BEST3: variants seen among roughly 807,000 people sequenced by gnomAD.
The protein encoded by BEST3 is bestrophin-3.
In BEST3, 50 loss-of-function variants were observed where a neutral mutation model predicts 47.1. The ratio of observed to expected loss-of-function variants is 1.06; its 90% CI spans 0.85 to 1.34. The LOEUF is 1.34. Ranked by LOEUF, BEST3 falls within the 40% of genes most tolerant of loss-of-function variation. The pLI is 0.00. For synonymous variants in BEST3, 282 were observed against 298.8 expected (o/e 0.94, Z 0.58); for missense variants, 765 against 817.0 (o/e 0.94, Z 0.78).
At chr12:69,673,366 G>T (rs1407325448) in intron 7 of BEST3, among the ~76,000 whole-genome samples, 1 of 152,200 alleles carries the variant, frequency 6.6e-6, no homozygotes, top group Admixed American at 6.5e-5. Flanking sequence ...TGTACACAGG[G>T]AGAAGGTTAA....
At position 69,677,061 on chromosome 12, in the gene BEST3, G is replaced by C. The variant is rs763952985; in HGVS notation, c.722C>G (p.Thr241Ser). The C allele has an allele frequency of 1.9e-6, 3 of 1,614,218 alleles. No homozygotes were observed. Among genetic ancestry groups the C allele is most frequent in the Non-Finnish European group, 2.5e-6 (3 of 1,180,030 alleles). The change falls in exon 7 of 10, where the codon ACT (threonine) becomes AGT (serine). Residue 241 changes from threonine to serine, a missense_variant. Thr to Ser is a moderately conservative substitution (Grantham distance 58, BLOSUM62 1). Transcript: ENST00000330891. ...AAAGAAGAAGGTATAGACAGCAAGA[G>C]TGACAACCTGGAACAGAGAGAGACC... ...GIPLVYTQVVTLAVYTFFFAC... is the reference protein window; with the variant it reads ...GIPLVYTQVVSLAVYTFFFAC...
chr12:69,667,263 A>G (rs1050312693), intron 9 of BEST3, among the ~76,000 whole-genome samples: 5 of 151,972 alleles, frequency 3.3e-5, no homozygotes, highest in African/African-American at 1.2e-4. Flanking sequence ...CCTCAATTCT[A>G]TCTGTGCACT....
downstream of BEST3, among the ~76,000 whole-genome samples, chr12:69,650,635 A>G (rs1883177371): frequency 6.6e-6 from 1 of 152,206 alleles, no homozygotes; most frequent in Non-Finnish European, 1.5e-5. Flanking sequence ...GGGAGATTAG[A>G]TACCTCAAGA....
chr12:69,673,261 G>A lies in BEST3; in HGVS notation c.868-296C>T, dbSNP rs1385531625. Reference sequence around the variant, plus strand: ...TATTTAGGAGCCAAATCAAATGACTGAATAGTGAAGGAGAACCAGCTATTT... The same window carrying A: ...TATTTAGGAGCCAAATCAAATGACTAAATAGTGAAGGAGAACCAGCTATTT... On this transcript the variant is annotated intron_variant, in intron 7 of 9. Coordinates refer to ENST00000330891, the MANE Select transcript of BEST3 (RefSeq NM_032735.3). 2.6e-5 allele frequency among the ~76,000 whole-genome samples: 4 copies of A among 152,278 alleles called. No homozygotes were observed. The East Asian group carries it at 7.7e-4, about 29-fold the overall frequency.
intron 3 of BEST3, 28 bp downstream of exon 3, chr12:69,694,342 C>T (rs1205416650): frequency 7.0e-6 from 10 of 1,423,152 alleles, no homozygotes; most frequent in Middle Eastern, 1.8e-4. Flanking sequence ...AGCTATGTGG[C>T]TGCAATCTGC....
At chr12:69,663,394 C>T (rs1390524821) in intron 9 of BEST3, among the ~76,000 whole-genome samples, 1 of 152,132 alleles carries the variant, frequency 6.6e-6, no homozygotes, top group Admixed American at 6.5e-5. Flanking sequence ...CCCAGGAAAA[C>T]TCATTATTAC....
At chr12:69,659,224 C>CT (rs1166204341) in intron 9 of BEST3, among the ~76,000 whole-genome samples, 5 of 152,182 alleles carry the variant, frequency 3.3e-5, no homozygotes, top group Non-Finnish European at 7.4e-5. Flanking sequence ...GACATTTCTT[C>CT]TAAATGCTTC....
At chr12:69,683,766 G>T (rs892547424) in intron 4 of BEST3, 1 of 152,188 alleles carries the variant, frequency 6.6e-6, no homozygotes, top group Non-Finnish European at 1.5e-5. Flanking sequence ...TGTCACGGGT[G>T]CACATCCTCA....
At chr12:69,697,071 C>T (rs563240750) in intron 2 of BEST3, among the ~76,000 whole-genome samples, 82 of 152,232 alleles carry the variant, frequency 5.4e-4, no homozygotes, top group Non-Finnish European at 1.1e-3. Flanking sequence ...CTTTTGTGAA[C>T]ATAATATACC....
intron 9 of BEST3, 123 bp downstream of exon 9, chr12:69,671,305 A>G: frequency 3.0e-6 from 3 of 1,009,970 alleles, no homozygotes; most frequent in Non-Finnish European, 2.8e-6. Flanking sequence ...AGCTAGGACT[A>G]CAGGTGACAT....
intron 9 of BEST3, among the ~76,000 whole-genome samples, chr12:69,645,360 C>G (rs1593121285): frequency 1.3e-5 from 2 of 152,302 alleles, no homozygotes; most frequent in East Asian, 3.9e-4. Flanking sequence ...AGAGATACTT[C>G]ACAGCTTGTT....
intron 9 of BEST3, chr12:69,670,447 C>T (rs765817442): frequency 6.0e-5 from 42 of 702,650 alleles, no homozygotes; most frequent in Middle Eastern, 4.6e-4. Context: ...ATTCCACTTT[C>T]AGTCTTCCTT....
intron 5 of BEST3, 128 bp from the exon 6 acceptor site, chr12:69,677,385 G>A (rs1482291719): frequency 1.2e-6 from 1 of 807,532 alleles, no homozygotes. Flanking sequence ...TGATTCCCAA[G>A]GATACTCCAA....
At chr12:69,679,939 A>C (rs891863865) in intron 4 of BEST3, among the ~76,000 whole-genome samples, 2 of 129,840 alleles carry the variant, frequency 1.5e-5, no homozygotes, top group African/African-American at 5.7e-5. Flanking sequence ...GTGTGTGTGT[A>C]AAATGCAATT....
rs771452110 is a variant in BEST3, at chr12:69,671,533, A to G, written c.995T>C (p.Met332Thr). ...ATCGTCCCAGTAAATGTCCTTCTTC[A>G]TCTTGGGTAAGCTCATGTGCATTTC... Reference protein sequence around the residue: ...VDEMHMSLPKMKKDIYWDDSA... With the variant: ...VDEMHMSLPKTKKDIYWDDSA... The change falls in exon 9 of 10, where the codon ATG becomes ACG. Residue 332 changes from methionine (M) to threonine (T), a missense_variant. Met to Thr is a moderately conservative substitution (Grantham distance 81, BLOSUM62 -1). Coordinates refer to ENST00000330891, the MANE Select transcript of BEST3 (RefSeq NM_032735.3). 1.9e-6 allele frequency: 3 copies of G among 1,614,014 alleles called. No homozygotes were observed. Among genetic ancestry groups the G allele is most frequent in the Non-Finnish European group, 2.5e-6 (3 of 1,179,874 alleles).
In BEST3 at chr12:69,682,903, T is replaced by C. The variant is rs202204208; in HGVS notation, c.482-4010A>G. On this transcript the variant is annotated intron_variant, in intron 4 of 9. Transcript: ENST00000330891. ...GTTAAATCTTATTGGATGAAGTTAA[T>C]AGATAAACTTGATCTGTCTTGGCTT... 1.6e-3 allele frequency among the ~76,000 whole-genome samples: 235 copies of C among 150,554 alleles called. 5 individuals carry two copies. The East Asian group carries it at 0.043, about 27-fold the overall frequency.
At chr12:69,693,245 C>CTTTTTTTTTTTTTTTTTT (rs71094730) in intron 4 of BEST3, among the ~76,000 whole-genome samples, 2 of 136,662 alleles carry the variant, frequency 1.5e-5, no homozygotes, top group Non-Finnish European at 3.1e-5. Context: ...CTCTCTCTCT[C>CTTTTTTTTTTTTTTTTTT]TTTTTTTTTT....
At chr12:69,676,510 A>G (rs761356802) in intron 7 of BEST3, among the ~76,000 whole-genome samples, 8 of 152,182 alleles carry the variant, frequency 5.3e-5, no homozygotes, top group South Asian at 4.1e-4. Flanking sequence ...AGTTGAGCAG[A>G]ACCAAGATTC....
chr12:69,695,237 CA>C (rs1320913153), intron 2 of BEST3, among the ~76,000 whole-genome samples: 1 of 151,974 alleles, frequency 6.6e-6, no homozygotes. Context: ...GAAGGAAAGC[CA>C]AACAGATGAA....
Sources: allele counts gnomAD v4.1 joint callset (sites outside exome capture counted in the v4.1 genomes callset), GRCh38; gene constraint gnomAD v4.1.1; transcripts MANE v1.5; gene names NCBI Gene and HGNC (gene_info 2026-07-23, HGNC 2026-07-21).